Variants in ESR1 observed in about 807,000 individuals in gnomAD.
ESR1 encodes the protein estrogen receptor 1, also known as estrogen receptor.
ESR1 carries 12 observed loss-of-function variants against 52.7 expected under a neutral mutation model. The observed-to-expected ratio is 0.23, with a 90% confidence interval of 0.15 to 0.37. The LOEUF (loss-of-function observed/expected upper bound fraction) is 0.37, where lower values mean the gene tolerates loss of function less well. ESR1 is among the 10% of genes least tolerant of loss of function. The pLI, the probability that ESR1 is intolerant of heterozygous loss-of-function variation, is 1.00. For missense variants in ESR1, 584 were observed against 779.7 expected (o/e 0.75, Z 2.99); for synonymous variants, 305 against 316.8 (o/e 0.96, Z 0.39).
chr6:151,904,820 C>T lies in ESR1; in HGVS notation c.760+24049C>T, dbSNP rs79567231. Among the ~76,000 whole-genome samples the T allele has an allele frequency of 1.9e-3, 294 of 152,204 alleles. 1 individual carries two copies. Among genetic ancestry groups the T allele is most frequent in the Non-Finnish European group, 3.7e-3 (254 of 68,004 alleles). ...ATTGATTCGTTTCACGTGGATGTAT[C>T]ATTTACTCCCAAGATGTTGGTTTTT... On this transcript the variant is annotated intron_variant, in intron 3 of 7. Transcript: ENST00000206249.
intron 3 of ESR1, among the ~76,000 whole-genome samples, chr6:151,890,955 T>C (rs1794620577): frequency 6.6e-6 from 1 of 152,198 alleles, no homozygotes; most frequent in Non-Finnish European, 1.5e-5. Context: ...ACTGTATCTC[T>C]TTCTTCCTAT....
At chr6:151,832,827 A>C (rs1167176079) in intron 1 of ESR1, among the ~76,000 whole-genome samples, 1 of 152,204 alleles carries the variant, frequency 6.6e-6, no homozygotes, top group Non-Finnish European at 1.5e-5. Context: ...CAAGGCATGC[A>C]ATAAGGAACA....
At chr6:151,759,145 C>A (rs1029510723) in intron 2 of ESR1, among the ~76,000 whole-genome samples, 1 of 150,334 alleles carries the variant, frequency 6.7e-6, no homozygotes, top group East Asian at 2.0e-4. Flanking sequence ...TGTGGTGGTG[C>A]GTGCCTGTAG....
chr6:151,936,978 A>G (rs1223510645), intron 3 of ESR1, among the ~76,000 whole-genome samples: 2 of 152,326 alleles, frequency 1.3e-5, no homozygotes, highest in East Asian at 3.9e-4. Flanking sequence ...TTTCAAGGCC[A>G]ATACAAGAGG....
intron 5 of ESR1, among the ~76,000 whole-genome samples, chr6:152,056,218 C>T (rs2047088703): frequency 6.6e-6 from 1 of 152,204 alleles, no homozygotes; most frequent in Admixed American, 6.5e-5. Context: ...TATGGAGTCT[C>T]AGCATTTTGA....
chr6:151,785,072 T>C (rs1390690935), intron 2 of ESR1, among the ~76,000 whole-genome samples: 1 of 152,388 alleles, frequency 6.6e-6, no homozygotes, highest in Non-Finnish European at 1.5e-5. Context: ...TGATGGTTGG[T>C]GTCAACCATA....
At chr6:151,893,882 G>A (rs1326654080) in intron 3 of ESR1, among the ~76,000 whole-genome samples, 1 of 152,178 alleles carries the variant, frequency 6.6e-6, no homozygotes, top group African/African-American at 2.4e-5. Flanking sequence ...GCAGAGAAGT[G>A]ACTTTCTTAA....
chr6:151,748,298 C>A (rs897858970), intron 2 of ESR1, among the ~76,000 whole-genome samples: 1 of 152,108 alleles, frequency 6.6e-6, no homozygotes, highest in African/African-American at 2.4e-5. Context: ...GTTGTCTATG[C>A]ACATATGACG....
chr6:151,886,027 A>G (rs961036539), intron 3 of ESR1, among the ~76,000 whole-genome samples: 11 of 152,020 alleles, frequency 7.2e-5, no homozygotes, highest in African/African-American at 2.4e-4. Context: ...ATTTCATCAT[A>G]TACGAGCACT....
At chr6:152,018,232 A>G (rs1046326041) in intron 5 of ESR1, among the ~76,000 whole-genome samples, 1 of 150,568 alleles carries the variant, frequency 6.6e-6, no homozygotes, top group Non-Finnish European at 1.5e-5. Context: ...TTTAAATAGA[A>G]AAAAAAAAGT....
intron 2 of ESR1, among the ~76,000 whole-genome samples, chr6:151,856,112 G>T (rs544336165): frequency 6.6e-6 from 1 of 152,160 alleles, no homozygotes; most frequent in Non-Finnish European, 1.5e-5. Flanking sequence ...ATAATATTTT[G>T]TTTCTAGGAT....
chr6:151,971,873 G>GT (rs1449603753), intron 4 of ESR1, among the ~76,000 whole-genome samples: 1 of 152,040 alleles, frequency 6.6e-6, no homozygotes, highest in Non-Finnish European at 1.5e-5. Flanking sequence ...ACAAAAGGCT[G>GT]TTTTTTTGAA....
intron 6 of ESR1, among the ~76,000 whole-genome samples, chr6:152,114,425 C>T (rs2051182847): frequency 6.6e-6 from 1 of 152,092 alleles, no homozygotes; most frequent in Non-Finnish European, 1.5e-5. Flanking sequence ...TCATAAATCC[C>T]CCAGTCAGGG....
intron 2 of ESR1, among the ~76,000 whole-genome samples, chr6:151,704,823 A>G (rs973606415): frequency 2.0e-5 from 3 of 152,080 alleles, no homozygotes; most frequent in Non-Finnish European, 2.9e-5. Flanking sequence ...GTAATTTGCT[A>G]AAGACTACCC....
intron 2 of ESR1, among the ~76,000 whole-genome samples, chr6:151,783,181 A>T (rs1786710221): frequency 6.6e-6 from 1 of 152,246 alleles, no homozygotes; most frequent in Admixed American, 6.5e-5. Context: ...ATCCAGCCCC[A>T]GTCAGCTCCC....
chr6:151,969,823 C>T (rs1020847214), intron 4 of ESR1, among the ~76,000 whole-genome samples: 2 of 151,908 alleles, frequency 1.3e-5, no homozygotes, highest in Admixed American at 1.3e-4. Flanking sequence ...AGGCAAATCT[C>T]CTAATCCTAT....
chr6:151,745,116 A>G (rs1226137584), intron 2 of ESR1, among the ~76,000 whole-genome samples: 2 of 152,176 alleles, frequency 1.3e-5, no homozygotes, highest in Non-Finnish European at 2.9e-5. Context: ...TTTCCTTAAT[A>G]AAAAAACTTT....
chr6:152,061,455 A>G lies in ESR1; in HGVS notation c.1369+331A>G, dbSNP rs2047535203. Among the ~76,000 whole-genome samples, 1 of 152,240 alleles carries G rather than the reference A, an allele frequency of 6.6e-6. No individual in the cohort carries two copies. Among genetic ancestry groups the G allele is most frequent in the African/African-American group, 2.4e-5 (1 of 41,464 alleles). Reference sequence around the variant, plus strand: ...TGATAGTTATATTATGTCTGAAAATAAGTAGACCAAGTAATTCTGTTAAGA... The same window carrying G: ...TGATAGTTATATTATGTCTGAAAATGAGTAGACCAAGTAATTCTGTTAAGA... On this transcript the variant is annotated intron_variant, in intron 6 of 7. Transcript: ENST00000206249. The surrounding 1 kb of genome is among the most constrained non-coding windows in gnomAD (Gnocchi z 4.3).
chr6:151,787,432 A>T (rs907016600), intron 2 of ESR1, among the ~76,000 whole-genome samples: 3 of 152,086 alleles, frequency 2.0e-5, no homozygotes, highest in Non-Finnish European at 4.4e-5. Flanking sequence ...AGTTGCTTTG[A>T]GCAGTATGGC....
Sources: allele counts gnomAD v4.1 joint callset (sites outside exome capture counted in the v4.1 genomes callset), GRCh38; gene constraint gnomAD v4.1.1; non-coding constraint Gnocchi (gnomAD v3.1); transcripts MANE v1.5; gene names NCBI Gene and HGNC (gene_info 2026-07-23, HGNC 2026-07-21).